HMGCLL1: variants seen among roughly 807,000 people sequenced by gnomAD.
HMGCLL1 encodes the protein 3-hydroxymethyl-3-methylglutaryl-CoA lyase, cytoplasmic.
In HMGCLL1, 36 loss-of-function variants were observed where a neutral mutation model predicts 39.1. The observed-to-expected ratio is 0.92, with a 90% CI of 0.71 to 1.22. The LOEUF (loss-of-function observed/expected upper bound fraction) is 1.22, where lower values mean the gene tolerates loss of function less well. Among genes scored for constraint, HMGCLL1 ranks in the 50% most tolerant of loss-of-function variants. HMGCLL1 has a pLI of 0.00. For synonymous variants in HMGCLL1, 149 were observed against 144.0 expected (o/e 1.03, Z -0.25); for missense variants, 451 against 416.5 (o/e 1.08, Z -0.72).
At chr6:55,504,857 C>T (rs1032258263) in intron 5 of HMGCLL1, among the ~76,000 whole-genome samples, 1 of 151,434 alleles carries the variant, frequency 6.6e-6, no homozygotes, top group East Asian at 1.9e-4. Context: ...TTATAGTAAA[C>T]AAATAGGTAA....
At chr6:55,467,847 G>A (rs1764858925) in intron 7 of HMGCLL1, among the ~76,000 whole-genome samples, 1 of 152,050 alleles carries the variant, frequency 6.6e-6, no homozygotes, top group Non-Finnish European at 1.5e-5. Context: ...GTGGTGCACT[G>A]ATATGTAAAT....
chr6:55,650,628 C>A, the HMGCLL1 span, among the ~76,000 whole-genome samples: 5 of 152,128 alleles, frequency 3.3e-5, no homozygotes, highest in African/African-American at 9.6e-5. Flanking sequence ...TTCAGCATGG[C>A]AAGTTCCCCT....
chr6:55,572,657 T>C (rs1771569324), intron 1 of HMGCLL1, among the ~76,000 whole-genome samples: 1 of 152,160 alleles, frequency 6.6e-6, no homozygotes, highest in Non-Finnish European at 1.5e-5. Flanking sequence ...TATACATATA[T>C]AATGGAATAT....
At chr6:55,664,893 G>A in the HMGCLL1 span, among the ~76,000 whole-genome samples, 1 of 151,686 alleles carries the variant, frequency 6.6e-6, no homozygotes, top group Non-Finnish European at 1.5e-5. Flanking sequence ...TTCCTAGAAT[G>A]AGGGATCAGA....
intron 6 of HMGCLL1, among the ~76,000 whole-genome samples, chr6:55,498,547 T>G (rs1173997373): frequency 6.6e-6 from 1 of 152,120 alleles, no homozygotes; most frequent in Non-Finnish European, 1.5e-5. Context: ...TTTCAAAAAT[T>G]AATAAATTTG....
At chr6:55,665,646 C>A in the HMGCLL1 span, among the ~76,000 whole-genome samples, 1 of 151,630 alleles carries the variant, frequency 6.6e-6, no homozygotes, top group Non-Finnish European at 1.5e-5. Flanking sequence ...TCTTTTTATC[C>A]TTGTTGGAAA....
chr6:55,544,406 C>T (rs571024393), intron 1 of HMGCLL1, among the ~76,000 whole-genome samples: 17 of 152,066 alleles, frequency 1.1e-4, no homozygotes, highest in Non-Finnish European at 2.4e-4. Flanking sequence ...ACCTCTGAGC[C>T]GAGTTAAGTT....
chr6:55,672,056 G>A, the HMGCLL1 span, among the ~76,000 whole-genome samples: 7 of 151,706 alleles, frequency 4.6e-5, no homozygotes, highest in African/African-American at 1.7e-4. Context: ...GAGGAACAGG[G>A]AACCAGGGGA....
the HMGCLL1 span, among the ~76,000 whole-genome samples, chr6:55,592,858 A>C: frequency 1.4e-4 from 22 of 152,114 alleles, no homozygotes; most frequent in African/African-American, 5.3e-4. Context: ...CTACCAACAC[A>C]TGGCTAGTAA....
At chr6:55,554,978 G>A (rs949352201) in intron 1 of HMGCLL1, among the ~76,000 whole-genome samples, 1 of 152,042 alleles carries the variant, frequency 6.6e-6, no homozygotes, top group Non-Finnish European at 1.5e-5. Flanking sequence ...TTCCACTCTT[G>A]CCACCTCCTC....
chr6:55,637,003 A>G, the HMGCLL1 span, among the ~76,000 whole-genome samples: 1 of 152,138 alleles, frequency 6.6e-6, no homozygotes, highest in Non-Finnish European at 1.5e-5. Flanking sequence ...CACACAATAC[A>G]TTTGAAGATT....
chr6:55,490,493 C>A (rs1018298321), intron 7 of HMGCLL1, among the ~76,000 whole-genome samples: 23 of 152,084 alleles, frequency 1.5e-4, no homozygotes, highest in Admixed American at 8.5e-4. Flanking sequence ...CTACTACTTG[C>A]CCATTTGATC....
intron 1 of HMGCLL1, among the ~76,000 whole-genome samples, chr6:55,547,223 G>A (rs771906660): frequency 3.3e-5 from 5 of 151,974 alleles, no homozygotes; most frequent in East Asian, 1.9e-4. Flanking sequence ...CATAAGTAAT[G>A]TGCTTCACTC....
At chr6:55,543,461 C>G (rs867916621) in intron 1 of HMGCLL1, among the ~76,000 whole-genome samples, 9 of 91,104 alleles carry the variant, frequency 9.9e-5, no homozygotes, top group South Asian at 6.8e-4. Context: ...TGATATATAT[C>G]ATATATATCA....
chr6:55,511,033 A>G (rs1027553769), intron 5 of HMGCLL1, among the ~76,000 whole-genome samples: 1 of 151,932 alleles, frequency 6.6e-6, no homozygotes, highest in Admixed American at 6.6e-5. Context: ...ACTACTTCAT[A>G]TCTTGAAGAA....
At chr6:55,600,245 C>A in the HMGCLL1 span, among the ~76,000 whole-genome samples, 1 of 152,114 alleles carries the variant, frequency 6.6e-6, no homozygotes, top group East Asian at 1.9e-4. Context: ...AACTCTTTAG[C>A]AAAATAATTA....
At chr6:55,494,672 A>G (rs1232673661) in intron 7 of HMGCLL1, among the ~76,000 whole-genome samples, 1 of 152,188 alleles carries the variant, frequency 6.6e-6, no homozygotes, top group Non-Finnish European at 1.5e-5. Flanking sequence ...GCCTCCAACC[A>G]GAAAGCTTTT....
At chr6:55,546,754 C>A (rs1255710641) in intron 1 of HMGCLL1, among the ~76,000 whole-genome samples, 1 of 151,932 alleles carries the variant, frequency 6.6e-6, no homozygotes, top group Non-Finnish European at 1.5e-5. Context: ...TTAAACAGGC[C>A]AATAGTCTAA....
the HMGCLL1 span, among the ~76,000 whole-genome samples, chr6:55,604,953 T>C: frequency 6.6e-5 from 10 of 152,228 alleles, no homozygotes; most frequent in African/African-American, 2.4e-4. Flanking sequence ...CTGAAGATGA[T>C]ATAAGTGTAG....
Sources: allele counts gnomAD v4.1 joint callset (sites outside exome capture counted in the v4.1 genomes callset), GRCh38; gene constraint gnomAD v4.1.1; transcripts MANE v1.5; gene names NCBI Gene and HGNC (gene_info 2026-07-23, HGNC 2026-07-21).